Variants in TREM2 observed in about 807,000 individuals in gnomAD.
TREM2 encodes the protein triggering receptor expressed on monocytes 2.
In TREM2, 20 loss-of-function variants were observed where a neutral mutation model predicts 22.9. The observed-to-expected ratio is 0.87, with a 90% confidence interval of 0.61 to 1.27. TREM2 has a LOEUF of 1.27. Among genes scored for constraint, TREM2 ranks in the 50% most tolerant of loss-of-function variants. The pLI, the probability that TREM2 is intolerant of heterozygous loss-of-function variation, is 0.00. For missense variants in TREM2, 267 were observed against 289.0 expected (o/e 0.92, Z 0.55); for synonymous variants, 111 against 120.9 (o/e 0.92, Z 0.54).
rs1434813037 is a variant in TREM2, at chr6:41,161,581, G to A, written c.73C>T (p.Gln25Ter). 1 of 1,613,868 alleles carries A rather than the reference G, an allele frequency of 6.2e-7. No individual in the cohort carries two copies. Among genetic ancestry groups the A allele is most frequent in the Admixed American group, 1.7e-5 (1 of 59,990 alleles). ...TGCAGGGACTGGCCCGCCACGCCCT[G>A]GAACACTGTGGTGTTGTGGGCTCCG... ...LSGAHNTTVF[Q>*]GVAGQSLQVS... The change falls in exon 2 of 5, where the codon CAG becomes TAG. Residue 25 changes from glutamine to a stop codon, truncating the protein, a stop_gained. Transcript: ENST00000373113. LOFTEE classifies it high-confidence loss of function.
chr6:41,162,997 C>A, intron 1 of TREM2, 46 bp downstream of exon 1: 1 of 1,613,920 alleles, frequency 6.2e-7, no homozygotes, highest in Non-Finnish European at 8.5e-7. Context: ...ACCACATGCT[C>A]AAAGTGAGGG....
rs2234258 is a variant in TREM2 at position 41,158,691 on chromosome 6, C to T, written c.*73G>A. On this transcript the variant is annotated 3_prime_UTR_variant, in exon 5 of 5. Transcript: ENST00000373113. ...GAGCAGAACAAGGAGTCCTGGTGGC[C>T]AAGTGGCAAGTATGCAGGCTGGGCT... 2.0e-3 allele frequency: 3,236 copies of T among 1,614,028 alleles called. 39 individuals are homozygous for T. In the African/African-American group the frequency reaches 0.034, roughly 17 times the overall value.
chr6:41,160,037 T>G (rs1244493515), intron 2 of TREM2, among the ~76,000 whole-genome samples, 155 bp from the exon 3 acceptor site: 2 of 152,092 alleles, frequency 1.3e-5, no homozygotes, highest in Admixed American at 1.3e-4. Flanking sequence ...GTTTCCCCAC[T>G]TATAAAGTGG....
At chr6:41,159,479 T>A (rs1765503607) in intron 3 of TREM2, among the ~76,000 whole-genome samples, 1 of 152,116 alleles carries the variant, frequency 6.6e-6, no homozygotes, top group Non-Finnish European at 1.5e-5. Flanking sequence ...ACTAAAACAT[T>A]CATTGTTGCT....
Position 41,161,501 on chromosome 6 carries a change from G to T in TREM2, c.153C>A (p.Cys51Ter). ...MKHWGRRKAW[C>*]RQLGEKGPCQ... The stretch of plus-strand genomic sequence containing the variant: ...ATGGGCCCTTCTCTCCCAGCTGGCG[G>T]CACCAGGCCTTGCGCCTCCCCCAGT... Residue 51 changes from cysteine (C) to a stop codon, truncating the protein, a stop_gained, in exon 2 of 5, where the codon TGC (cysteine) becomes TGA (stop). Transcript: ENST00000373113. LOFTEE classifies it high-confidence loss of function. The T allele has an allele frequency of 6.2e-7, 1 of 1,614,228 alleles. No individual in the cohort carries two copies. Among genetic ancestry groups the T allele is most frequent in the South Asian group, 1.1e-5 (1 of 91,092 alleles).
At chr6:41,159,715 T>G in intron 3 of TREM2, 77 bp downstream of exon 3, 1 of 1,354,532 alleles carries the variant, frequency 7.4e-7, no homozygotes, top group East Asian at 2.3e-5. Context: ...TAGTTCAGGA[T>G]GCCCAGCCCC....
At position 41,161,614 on chromosome 6, in the gene TREM2, C is replaced by CT; in HGVS notation, c.41-2dup. The CT allele has an allele frequency of 6.2e-7, 1 of 1,611,866 alleles. No homozygotes were observed. Among genetic ancestry groups the CT allele is most frequent in the Non-Finnish European group, 8.5e-7 (1 of 1,178,932 alleles). On this transcript the variant is annotated splice_acceptor_variant, in intron 1 of 4. Transcript: ENST00000373113. LOFTEE classifies it high-confidence loss of function. ...GTGGTGTTGTGGGCTCCGGACAGCT[C>CT]TGGGGAGGAGACATTCATTCACTCC...
At chr6:41,159,097 T>C in intron 3 of TREM2, 31 bp from the exon 4 acceptor site, 1 of 1,595,742 alleles carries the variant, frequency 6.3e-7, no homozygotes, top group Non-Finnish European at 8.5e-7. Flanking sequence ...GATGGGAGCC[T>C]TGAGATGGCC....
rs199795809 is a variant in TREM2, at chr6:41,158,767, C to T, written c.690G>A (p.Thr230=). The change falls in exon 5 of 5, where the codon ACG becomes ACA. Residue 230 remains threonine, a synonymous_variant. Transcript: ENST00000373113. ...CTTTTCCTCCCATCATCTTCCTTCA[C>T]GTGTCTCTCAGCCCTGCAATAGTCC... ...QLQTLPGLRD[T] The T allele has an allele frequency of 5.6e-5, 91 of 1,614,222 alleles. No individual in the cohort carries two copies. The East Asian group carries it at 1.1e-3, about 20-fold the overall frequency.
At position 41,158,612 on chromosome 6, in the gene TREM2, C is replaced by T. The variant is rs774641718; in HGVS notation, c.*152G>A. The T allele has an allele frequency of 1.9e-6, 3 of 1,571,172 alleles. No individual in the cohort carries two copies. Among genetic ancestry groups the T allele is most frequent in the Non-Finnish European group, 2.6e-6 (3 of 1,157,340 alleles). On this transcript the variant is annotated 3_prime_UTR_variant, in exon 5 of 5. Coordinates refer to ENST00000373113, the MANE Select transcript of TREM2 (RefSeq NM_018965.4). The stretch of plus-strand genomic sequence containing the variant: ...CCACCTCCCCACTCCCTCAACCAGT[C>T]CCTGCTTCCAGGGTCCAGGAGAAGC...
At chr6:41,162,432 T>A (rs1765591480) in intron 1 of TREM2, among the ~76,000 whole-genome samples, 1 of 152,188 alleles carries the variant, frequency 6.6e-6, no homozygotes, top group African/African-American at 2.4e-5. Flanking sequence ...CCGTCTCTCC[T>A]CTTGCCCAGG....
chr6:41,160,270 CT>C (rs529316302), intron 2 of TREM2, among the ~76,000 whole-genome samples: 184 of 152,228 alleles, frequency 1.2e-3, no homozygotes, highest in African/African-American at 4.0e-3. Context: ...CTGTCTCCCT[CT>C]TGGGAGGTGG....
At position 41,161,395 on chromosome 6, in the gene TREM2, C is replaced by T. The variant is rs142232675; in HGVS notation, c.259G>A (p.Asp87Asn). 1,590 of 1,614,234 alleles carry T rather than the reference C, an allele frequency of 9.8e-4. 5 individuals carry two copies. The highest frequency in any genetic ancestry group is 1.2e-3 in the Non-Finnish European group (1,440 of 1,180,046). Residue 87 changes from aspartate to asparagine, a missense_variant, in exon 2 of 5, where the codon GAT becomes AAT. Transcript: ENST00000373113. ...ATGGTGAGAGTGCCACCCAGGGTAT[C>T]GTCTGTGATGGCTGTGCTCCCATTC... ...RWNGSTAITDDTLGGTLTITL... is the reference protein window; with the variant it reads ...RWNGSTAITDNTLGGTLTITL...
intron 2 of TREM2, among the ~76,000 whole-genome samples, chr6:41,160,838 C>T (rs192083720): frequency 2.0e-5 from 3 of 152,296 alleles, no homozygotes; most frequent in African/African-American, 4.8e-5. Flanking sequence ...GCTTCACTTA[C>T]GTTGATAGGG....
At position 41,161,532 on chromosome 6, in the gene TREM2, A is replaced by G. The variant is rs1395807649; in HGVS notation, c.122T>C (p.Met41Thr). ...GGCCTTGCGCCTCCCCCAGTGCTTCATGGAGTCATAGGGGCAAGACACCTG... is the reference window on the plus strand; with the variant it reads ...GGCCTTGCGCCTCCCCCAGTGCTTCGTGGAGTCATAGGGGCAAGACACCTG... ...SLQVSCPYDS[M>T]KHWGRRKAWC... The change falls in exon 2 of 5, where the codon ATG (methionine) becomes ACG (threonine). Residue 41 changes from methionine to threonine, a missense_variant. Coordinates refer to ENST00000373113, the MANE Select transcript of TREM2 (RefSeq NM_018965.4). 4 of 1,614,166 alleles carry G rather than the reference A, an allele frequency of 2.5e-6. No homozygotes were observed. Among genetic ancestry groups the G allele is most frequent in the Non-Finnish European group, 3.4e-6 (4 of 1,180,018 alleles).
chr6:41,161,562 G>T lies in TREM2; in HGVS notation c.92C>A (p.Ser31Tyr), dbSNP rs746216516. ...TTVFQGVAGQSLQVSCPYDSM... is the reference protein window; with the variant it reads ...TTVFQGVAGQYLQVSCPYDSM... ...GTCATAGGGGCAAGACACCTGCAGG[G>T]ACTGGCCCGCCACGCCCTGGAACAC... The change falls in exon 2 of 5, where the codon TCC (serine) becomes TAC (tyrosine). Residue 31 changes from serine to tyrosine, a missense_variant. Coordinates refer to ENST00000373113, the MANE Select transcript of TREM2 (RefSeq NM_018965.4). The T allele has an allele frequency of 4.3e-6, 7 of 1,613,928 alleles. No individual in the cohort carries two copies. The African/African-American group carries it at 9.3e-5, about 22-fold the overall frequency.
rs1271841898 is a variant in TREM2 at position 41,161,385 on chromosome 6, C to T, written c.269G>A (p.Gly90Asp). The change falls in exon 2 of 5, where the codon GGT becomes GAT. Residue 90 changes from glycine to aspartate, a missense_variant. Coordinates refer to ENST00000373113, the MANE Select transcript of TREM2 (RefSeq NM_018965.4). ...GSTAITDDTL[G>D]GTLTITLRNL... Reference sequence around the variant, plus strand: ...CCGCAGCGTAATGGTGAGAGTGCCACCCAGGGTATCGTCTGTGATGGCTGT... The same window carrying T: ...CCGCAGCGTAATGGTGAGAGTGCCATCCAGGGTATCGTCTGTGATGGCTGT... 2.1e-5 allele frequency: 34 copies of T among 1,614,122 alleles called. No homozygotes were observed. The highest frequency in any genetic ancestry group is 2.5e-5 in the Non-Finnish European group (30 of 1,180,052).
chr6:41,159,708 T>A, intron 3 of TREM2, 84 bp downstream of exon 3: 1 of 1,271,030 alleles, frequency 7.9e-7, no homozygotes, highest in East Asian at 2.3e-5. Flanking sequence ...TAATTTGTAG[T>A]TCAGGATGCC....
At chr6:41,162,923 C>T in intron 1 of TREM2, 120 bp downstream of exon 1, 2 of 1,330,718 alleles carry the variant, frequency 1.5e-6, no homozygotes, top group Non-Finnish European at 2.1e-6. Flanking sequence ...GAACAGGGCA[C>T]TCAGGCATGC....
Sources: allele counts gnomAD v4.1 joint callset (sites outside exome capture counted in the v4.1 genomes callset), GRCh38; gene constraint gnomAD v4.1.1; transcripts MANE v1.5; gene names NCBI Gene and HGNC (gene_info 2026-07-23, HGNC 2026-07-21).